Variants in FIRRM observed in about 807,000 individuals in gnomAD.
FIRRM encodes the protein FIGNL1 interacting regulator of recombination and mitosis, also known as FIGNL1-interacting regulator of recombination and mitosis.
chr1:169,812,227 G>A, the FIRRM span, among the ~76,000 whole-genome samples: 20 of 152,156 alleles, frequency 1.3e-4, no homozygotes. Context: ...AAAATTTAAA[G>A]TAAGCAAACA....
the FIRRM span, among the ~76,000 whole-genome samples, chr1:169,816,421 C>G: frequency 6.6e-6 from 1 of 152,124 alleles, no homozygotes; most frequent in Non-Finnish European, 1.5e-5. Context: ...AACAAGTGTA[C>G]CATAGTTTTT....
chr1:169,837,417 C>G, the FIRRM span, among the ~76,000 whole-genome samples: 1 of 152,272 alleles, frequency 6.6e-6, no homozygotes, highest in African/African-American at 2.4e-5. Context: ...CTGGATTATG[C>G]AGATGTAATT....
At chr1:169,800,779 G>A in the FIRRM span, 1 of 415,762 alleles carries the variant, frequency 2.4e-6, no homozygotes, top group East Asian at 5.4e-5. Flanking sequence ...TTTTGAAAGT[G>A]TATCAAGCTT....
the FIRRM span, chr1:169,800,757 T>C: frequency 2.1e-6 from 1 of 484,734 alleles, no homozygotes; most frequent in South Asian, 3.3e-5. Flanking sequence ...TTTCTCTGTA[T>C]AGAATGTGGT....
At chr1:169,827,280 T>C in the FIRRM span, 120 of 1,179,386 alleles carry the variant, frequency 1.0e-4, no homozygotes, top group Non-Finnish European at 1.3e-4. Context: ...CATTCTTTTT[T>C]ACAATTAAGA....
At chr1:169,830,373 T>C in the FIRRM span, 1 of 1,570,810 alleles carries the variant, frequency 6.4e-7, no homozygotes, top group Non-Finnish European at 8.7e-7. Flanking sequence ...GTTCTTTGGA[T>C]TGGTTATTAG....
At chr1:169,846,051 G>A in the FIRRM span, among the ~76,000 whole-genome samples, 1 of 152,232 alleles carries the variant, frequency 6.6e-6, no homozygotes, top group Non-Finnish European at 1.5e-5. Context: ...TTGATGGGCT[G>A]CAGAATGACT....
the FIRRM span, among the ~76,000 whole-genome samples, chr1:169,823,250 C>CA: frequency 1.1e-3 from 117 of 108,228 alleles, no homozygotes; most frequent in Middle Eastern, 5.7e-3. Context: ...AACGCTATCT[C>CA]AAAAAAAAAA....
chr1:169,829,430 C>T, the FIRRM span: 1 of 1,611,650 alleles, frequency 6.2e-7, no homozygotes, highest in East Asian at 2.2e-5. Flanking sequence ...TCCTTTCATC[C>T]CTCACTGTTT....
the FIRRM span, among the ~76,000 whole-genome samples, chr1:169,817,725 CAA>C: frequency 1.3e-5 from 2 of 152,012 alleles, no homozygotes; most frequent in Admixed American, 1.3e-4. Flanking sequence ...ACTGTATAGA[CAA>C]ATCTATCTAA....
the FIRRM span, among the ~76,000 whole-genome samples, chr1:169,805,403 A>G: frequency 6.6e-6 from 1 of 152,226 alleles, no homozygotes; most frequent in Non-Finnish European, 1.5e-5. Flanking sequence ...CAGTGGTTTC[A>G]GGGTTTCTAA....
the FIRRM span, chr1:169,808,027 A>T: frequency 1.2e-4 from 133 of 1,138,966 alleles, no homozygotes; most frequent in Middle Eastern, 2.3e-4. Flanking sequence ...ATTTAAGAGG[A>T]TTTTAATTTA....
At chr1:169,792,846 A>G in the FIRRM span, 9 of 1,613,930 alleles carry the variant, frequency 5.6e-6, no homozygotes, top group Non-Finnish European at 7.6e-6. Flanking sequence ...TATTTTACAA[A>G]AAGTTTTTCA....
At chr1:169,794,872 C>T in the FIRRM span, 1 of 537,788 alleles carries the variant, frequency 1.9e-6, no homozygotes. Flanking sequence ...AAGCTCACCT[C>T]ACAACGCCTC....
At chr1:169,840,346 A>G in the FIRRM span, among the ~76,000 whole-genome samples, 5 of 152,134 alleles carry the variant, frequency 3.3e-5, no homozygotes, top group African/African-American at 1.2e-4. Context: ...TGACTCTTCC[A>G]ATCTATGAGC....
chr1:169,813,067 T>C, the FIRRM span, among the ~76,000 whole-genome samples: 1 of 152,236 alleles, frequency 6.6e-6, no homozygotes, highest in East Asian at 1.9e-4. Flanking sequence ...AGTTAAGATA[T>C]GTTATTTTCA....
At chr1:169,840,802 G>A in the FIRRM span, among the ~76,000 whole-genome samples, 96,063 of 152,064 alleles carry the variant, frequency 0.63, 30,739 homozygotes, top group Middle Eastern at 0.77. Flanking sequence ...GAGCCACTGC[G>A]CTCGGCCTTG....
At chr1:169,830,867 CAGTCTT>C in the FIRRM span, 2 of 929,336 alleles carry the variant, frequency 2.2e-6, no homozygotes, top group Non-Finnish European at 3.5e-6. Flanking sequence ...ATTGTTTTGA[CAGTCTT>C]TGTCTTGTAT....
chr1:169,828,264 C>CT, the FIRRM span, among the ~76,000 whole-genome samples: 1 of 152,138 alleles, frequency 6.6e-6, no homozygotes, highest in Non-Finnish European at 1.5e-5. Context: ...ACTCTGTGCT[C>CT]TAATTTTTCA....
Sources: allele counts gnomAD v4.1 joint callset (sites outside exome capture counted in the v4.1 genomes callset), GRCh38; gene constraint gnomAD v4.1.1; transcripts MANE v1.5; gene names NCBI Gene and HGNC (gene_info 2026-07-23, HGNC 2026-07-21).